The following CHIC2 variants were observed in gnomAD, a reference collection of about 807,000 sequenced individuals.
CHIC2 encodes cysteine rich hydrophobic domain 2, also known as cysteine-rich hydrophobic domain-containing protein 2.
Under a neutral mutation model 25.9 loss-of-function variants are expected in CHIC2, and 14 were observed. The observed-to-expected ratio is 0.54, with a 90% CI of 0.36 to 0.85. The LOEUF (loss-of-function observed/expected upper bound fraction) is 0.85, where lower values mean the gene tolerates loss of function less well. Among genes scored for constraint, CHIC2 ranks in the 40% least tolerant of loss-of-function variants. The pLI, the probability that CHIC2 is intolerant of heterozygous loss-of-function variation, is 0.01. For synonymous variants in CHIC2, 70 were observed against 72.0 expected, an observed-to-expected ratio of 0.97 and a Z score of 0.14; for missense variants, 146 against 202.0, an observed-to-expected ratio of 0.72 and a Z score of 1.68.
chr4:54,010,254 C>T (rs542122078), intron 5 of CHIC2, 109 bp from the exon 6 acceptor site: 38 of 703,924 alleles, frequency 5.4e-5, no homozygotes, highest in Middle Eastern at 3.8e-4. Flanking sequence ...CATTTTAAAA[C>T]GCAACTTTGC....
rs571950764 is a variant in CHIC2, at chr4:54,047,232, T to G, written c.330+1723A>C. Among the ~76,000 whole-genome samples, 409 of 152,298 alleles carry G rather than the reference T, an allele frequency of 2.7e-3. 2 individuals carry two copies. The highest frequency in any genetic ancestry group is 4.3e-3 in the Non-Finnish European group (295 of 68,032). On this transcript the variant is annotated intron_variant, in intron 3 of 5. Transcript: ENST00000263921. ...TAAACCAGTTCAACCATTGTGGAAG[T>G]CAGTGTGGCGATTCCTCAGGGATCT...
chr4:54,013,962 C>T, intron 4 of CHIC2, 66 bp from the exon 5 acceptor site: 3 of 1,592,676 alleles, frequency 1.9e-6, no homozygotes, highest in Non-Finnish European at 2.6e-6. Flanking sequence ...CAGACTAACC[C>T]ATTTGTCCAC....
chr4:54,089,874 T>C, the CHIC2 span, among the ~76,000 whole-genome samples: 5 of 152,162 alleles, frequency 3.3e-5, no homozygotes, highest in South Asian at 4.1e-4. Context: ...AATTTGCAAC[T>C]TATTGAGCAC....
At chr4:54,031,769 G>A (rs1178204221) in intron 3 of CHIC2, among the ~76,000 whole-genome samples, 1 of 151,938 alleles carries the variant, frequency 6.6e-6, no homozygotes, top group East Asian at 1.9e-4. Flanking sequence ...ACAGGCACGT[G>A]TCACCACGCC....
chr4:54,021,453 GCTC>G, intron 3 of CHIC2, among the ~76,000 whole-genome samples: 1 of 152,068 alleles, frequency 6.6e-6, no homozygotes, highest in Non-Finnish European at 1.5e-5. Context: ...TCCCCAGGCT[GCTC>G]CTCAACAGGC....
At chr4:54,070,553 G>T in the CHIC2 span, among the ~76,000 whole-genome samples, 841 of 152,224 alleles carry the variant, frequency 5.5e-3, 10 homozygotes, top group African/African-American at 0.019. Context: ...CTCCTGAGTA[G>T]TTGGGATTAC....
chr4:54,054,649 C>G (rs1383885919), intron 1 of CHIC2, among the ~76,000 whole-genome samples: 2 of 152,196 alleles, frequency 1.3e-5, no homozygotes, highest in Non-Finnish European at 2.9e-5. Context: ...TATACTTTGG[C>G]TAATTAGATC....
chr4:54,070,410 GTATTTATGTATTTATTTATT>G, the CHIC2 span, among the ~76,000 whole-genome samples: 1 of 77,834 alleles, frequency 1.3e-5, no homozygotes. Context: ...ATTTATTTAT[GTATTTATGTATTTATTTATT>G]TATTTATTTT....
intron 3 of CHIC2, among the ~76,000 whole-genome samples, chr4:54,031,132 T>C (rs1009368026): frequency 6.6e-6 from 1 of 151,348 alleles, no homozygotes; most frequent in South Asian, 2.1e-4. Flanking sequence ...CTGGAAAATA[T>C]GTGAAAAATC....
chr4:54,050,655 A>G (rs1205784256), intron 1 of CHIC2, among the ~76,000 whole-genome samples: 3 of 152,128 alleles, frequency 2.0e-5, no homozygotes, highest in Non-Finnish European at 4.4e-5. Context: ...AGATACACAA[A>G]AACTTACCAC....
At position 54,031,103 on chromosome 4, in the gene CHIC2, C is replaced by T. The variant is rs186694969; in HGVS notation, c.331-16984G>A. The stretch of plus-strand genomic sequence containing the variant: ...AGACCTACAAAGCTCAATTTTCAGA[C>T]GATTACACATTTTTGGAACTGGAAA... On this transcript the variant is annotated intron_variant, in intron 3 of 5. Coordinates refer to ENST00000263921, the MANE Select transcript of CHIC2 (RefSeq NM_012110.4). 2.2e-3 allele frequency among the ~76,000 whole-genome samples: 334 copies of T among 150,880 alleles called. 1 individual carries two copies. The highest frequency in any genetic ancestry group is 7.7e-3 in the African/African-American group (315 of 40,992).
chr4:54,034,032 TA>T (rs537063873), intron 3 of CHIC2, among the ~76,000 whole-genome samples: 80 of 144,638 alleles, frequency 5.5e-4, no homozygotes, highest in East Asian at 1.2e-3. Flanking sequence ...TGTCAATTTC[TA>T]AAAAAAAAAA....
At chr4:54,029,458 T>C (rs984247619) in intron 3 of CHIC2, among the ~76,000 whole-genome samples, 2 of 152,208 alleles carry the variant, frequency 1.3e-5, no homozygotes, top group African/African-American at 4.8e-5. Flanking sequence ...TAAGGCAAAT[T>C]GAATAGCATT....
intron 3 of CHIC2, among the ~76,000 whole-genome samples, chr4:54,034,191 G>C (rs1716313844): frequency 6.6e-6 from 1 of 152,046 alleles, no homozygotes; most frequent in Non-Finnish European, 1.5e-5. Context: ...GATCACCTCA[G>C]GTCGGGGGTT....
chr4:54,037,421 T>G (rs1161334217), intron 3 of CHIC2, among the ~76,000 whole-genome samples: 3 of 152,144 alleles, frequency 2.0e-5, no homozygotes, highest in African/African-American at 4.8e-5. Context: ...TTCATTTAGA[T>G]AAAACTCTAG....
the CHIC2 span, among the ~76,000 whole-genome samples, chr4:54,071,399 G>A: frequency 6.6e-6 from 1 of 152,176 alleles, no homozygotes; most frequent in Admixed American, 6.5e-5. Flanking sequence ...AACCCACTTA[G>A]CCTTATAAGC....
the CHIC2 span, among the ~76,000 whole-genome samples, chr4:54,091,150 C>T: frequency 6.6e-6 from 1 of 152,088 alleles, no homozygotes; most frequent in African/African-American, 2.4e-5. Context: ...CTGCCAGAGC[C>T]CCTCCTGCTT....
the CHIC2 span, among the ~76,000 whole-genome samples, chr4:54,072,681 A>G: frequency 1.3e-5 from 2 of 152,236 alleles, no homozygotes; most frequent in East Asian, 3.8e-4. Flanking sequence ...GGAATCCAAG[A>G]GTCATTCAAT....
At chr4:54,084,821 G>T in the CHIC2 span, among the ~76,000 whole-genome samples, 1 of 151,776 alleles carries the variant, frequency 6.6e-6, no homozygotes, top group African/African-American at 2.4e-5. Flanking sequence ...TTAGTCAGGC[G>T]TGGTGGTGTA....
Sources: gnomAD v4.1 joint callset for allele counts (sites outside exome capture counted in the v4.1 genomes callset) on GRCh38, gnomAD v4.1.1 for gene constraint, MANE v1.5 for transcripts, NCBI Gene and HGNC (gene_info 2026-07-23, HGNC 2026-07-21) for gene names.